KRT8: variants seen among roughly 807,000 people sequenced by gnomAD.
KRT8 encodes the protein keratin, type II cytoskeletal 8.
Under a neutral mutation model 43.0 loss-of-function variants are expected in KRT8, and 24 were observed. The observed-to-expected ratio is 0.56, with a 90% CI of 0.40 to 0.78. The LOEUF (loss-of-function observed/expected upper bound fraction) is 0.78, where lower values mean the gene tolerates loss of function less well. KRT8 is among the 30% of genes least tolerant of loss of function. The pLI is 0.00. For missense variants in KRT8, 492 were observed against 638.4 expected (o/e 0.77, Z 2.47); for synonymous variants, 214 against 261.2 (o/e 0.82, Z 1.74).
chr12:52,915,177 T>A (rs899486297), intron 2 of KRT8, among the ~76,000 whole-genome samples: 10 of 151,522 alleles, frequency 6.6e-5, no homozygotes, highest in Non-Finnish European at 1.3e-4. Flanking sequence ...ATCGAGACCA[T>A]CCTGGCTAAC....
At chr12:52,920,660 A>G (rs185656141) in intron 2 of KRT8, among the ~76,000 whole-genome samples, 1 of 152,320 alleles carries the variant, frequency 6.6e-6, no homozygotes, top group East Asian at 1.9e-4. Flanking sequence ...GTTGACCGTC[A>G]CATCCACAGC....
At chr12:52,934,202 C>G (rs1942129420) in intron 2 of KRT8, among the ~76,000 whole-genome samples, 1 of 151,544 alleles carries the variant, frequency 6.6e-6, no homozygotes, top group African/African-American at 2.4e-5. Flanking sequence ...GCACTCCAGC[C>G]TGGGTGACAG....
intron 5 of KRT8, 53 bp from the exon 6 acceptor site, chr12:52,898,952 C>T (rs543432989): frequency 1.5e-5 from 23 of 1,523,728 alleles, no homozygotes; most frequent in African/African-American, 1.2e-4. Context: ...CTTCTCTTCT[C>T]CCGTGCTCCC....
upstream of KRT8, among the ~76,000 whole-genome samples, chr12:52,907,861 A>T (rs1164517726): frequency 6.6e-6 from 1 of 152,226 alleles, no homozygotes; most frequent in African/African-American, 2.4e-5. Context: ...CCCTGGGACT[A>T]GGGCCAAGTG....
chr12:52,925,888 C>G (rs77749782), intron 2 of KRT8, among the ~76,000 whole-genome samples: 1 of 152,092 alleles, frequency 6.6e-6, no homozygotes. Flanking sequence ...TTCTCTCCCC[C>G]TCAGGGCCCA....
Position 52,900,131 on chromosome 12 carries a change from C to G in KRT8, c.691-66G>C, listed in dbSNP as rs552611784. ...ACACAGGGAGCCCCCTTTTCCACAA[C>G]AGCCTTTCTTAGGGTATAAGACAGG... On this transcript the variant is annotated intron_variant, in intron 4 of 7. Transcript: ENST00000692008. The G allele has an allele frequency of 9.7e-6, 15 of 1,544,096 alleles. No individual in the cohort carries two copies. The East Asian group carries it at 3.4e-4, about 35-fold the overall frequency.
At chr12:52,936,320 C>A (rs1942169423) in intron 2 of KRT8, among the ~76,000 whole-genome samples, 1 of 152,026 alleles carries the variant, frequency 6.6e-6, no homozygotes, top group Non-Finnish European at 1.5e-5. Flanking sequence ...GCAAAGATTT[C>A]TTGTGATCAT....
At chr12:52,909,947 CT>C (rs903191620), upstream of KRT8, among the ~76,000 whole-genome samples, 10 of 151,664 alleles carry the variant, frequency 6.6e-5, no homozygotes, top group African/African-American at 2.2e-4. Context: ...ACTTTTTTTT[CT>C]TTTTTTTAGA....
intron 3 of KRT8, 105 bp downstream of exon 3, chr12:52,901,054 C>T: frequency 3.5e-6 from 3 of 853,150 alleles, no homozygotes; most frequent in Non-Finnish European, 4.1e-6. Flanking sequence ...ATGAGTTTGT[C>T]CCACTACTTA....
At position 52,918,181 on chromosome 12, in the gene KRT8, GAAGAAGAAGAAGAAGAAGAAGAAC is replaced by G. The variant is rs1240177228; in HGVS notation, c.-46-13178_-46-13155del. On this transcript the variant is annotated intron_variant, in intron 2 of 6. Coordinates refer to the KRT8 transcript ENST00000546826. ...GGAAGAAGAAGAAGAAGAGGAAGAG[GAAGAAGAAGAAGAAGAAGAAGAAC>G]AAGAAGAAGAAGAAGAAGAAGAAGA... 2.4e-3 allele frequency among the ~76,000 whole-genome samples: 193 copies of G among 80,030 alleles called. 9 individuals are homozygous for G. The highest frequency in any genetic ancestry group is 0.011 in the African/African-American group (164 of 15,424). 52.5% of individuals were successfully genotyped at this position (80,030 alleles called of 152,430 possible). A position where few individuals can be genotyped will look rare whatever the true frequency, so the allele number is the denominator to read the frequency against.
chr12:52,948,619 G>C (rs956702895), intron 2 of KRT8: 3 of 259,380 alleles, frequency 1.2e-5, no homozygotes, highest in African/African-American at 4.6e-5. Context: ...AGCCTCCCAA[G>C]TAGCTGAGAC....
intron 2 of KRT8, among the ~76,000 whole-genome samples, chr12:52,930,539 A>C (rs1409291501): frequency 6.8e-6 from 1 of 146,588 alleles, no homozygotes; most frequent in East Asian, 2.1e-4. Flanking sequence ...TGTCTTCCAA[A>C]CTTTCCTTTT....
chr12:52,949,157 C>G, intron 2 of KRT8: 1 of 1,547,838 alleles, frequency 6.5e-7, no homozygotes, highest in Non-Finnish European at 8.9e-7. Flanking sequence ...CCTGTCCTTT[C>G]TCTCTCCCCG....
At chr12:52,906,609 G>A (rs1941525148), upstream of KRT8, 1 of 440,568 alleles carries the variant, frequency 2.3e-6, no homozygotes, top group Non-Finnish European at 4.6e-6. Context: ...GAAGGCAGGA[G>A]GTTTAGGTCC....
intron 2 of KRT8, among the ~76,000 whole-genome samples, chr12:52,942,318 C>T (rs1942281250): frequency 6.6e-6 from 1 of 152,192 alleles, no homozygotes; most frequent in South Asian, 2.1e-4. Flanking sequence ...AGGCACCCAA[C>T]TTGACCAAGG....
chr12:52,941,150 T>A (rs1942261235), intron 2 of KRT8, among the ~76,000 whole-genome samples: 1 of 150,238 alleles, frequency 6.7e-6, no homozygotes, highest in South Asian at 2.1e-4. Context: ...CACCACAACC[T>A]CCGCCTCCTG....
intron 2 of KRT8, among the ~76,000 whole-genome samples, chr12:52,938,683 T>G (rs1942219046): frequency 6.6e-6 from 1 of 151,754 alleles, no homozygotes; most frequent in Non-Finnish European, 1.5e-5. Flanking sequence ...AGTGGTGCGA[T>G]CTCAGCTCAC....
intron 2 of KRT8, among the ~76,000 whole-genome samples, chr12:52,936,227 G>T (rs1942167867): frequency 6.6e-6 from 1 of 152,038 alleles, no homozygotes; most frequent in African/African-American, 2.4e-5. Flanking sequence ...ACTCCAGCCT[G>T]GGAGATAGAG....
rs748733720 is a variant in KRT8, at chr12:52,898,559, C to T, written c.1203-40G>A. ...ATGGGGTGTCAGGACCAACTCCTAG[C>T]CCTTCTTGGCCCAGAACAACAGGAC... On this transcript the variant is annotated intron_variant, in intron 6 of 7. Transcript: ENST00000692008. 3.1e-6 allele frequency: 5 copies of T among 1,612,878 alleles called. No homozygotes were observed. In the Admixed American group the frequency reaches 8.3e-5, roughly 27 times the overall value.
Sources: gnomAD v4.1 joint callset for allele counts (sites outside exome capture counted in the v4.1 genomes callset) on GRCh38, gnomAD v4.1.1 for gene constraint, MANE v1.5 for transcripts, NCBI Gene and HGNC (gene_info 2026-07-23, HGNC 2026-07-21) for gene names.